The following RYR1 variants were observed in gnomAD, a reference collection of about 807,000 sequenced individuals.
RYR1 encodes the protein central core disease of muscle.
A neutral mutation model predicts 583.5 loss-of-function variants in RYR1; 342 were observed. That is an observed-to-expected ratio of 0.59 (90% CI 0.54 to 0.64). The LOEUF is 0.64. Ranked by LOEUF, RYR1 falls within the 30% of genes least tolerant of loss-of-function variation. RYR1 has a pLI of 0.00. For synonymous variants in RYR1, 2,791 were observed against 2,822.5 expected (o/e 0.99, Z 0.35); for missense variants, 6,032 against 6,917.2 (o/e 0.87, Z 4.54).
intron 84 of RYR1, among the ~76,000 whole-genome samples, chr19:38,541,222 A>G (rs147179222): frequency 1.3e-4 from 20 of 152,340 alleles, no homozygotes; most frequent in African/African-American, 3.8e-4. Context: ...GGGGTTTTTA[A>G]AAGCCTCCTA....
At chr19:38,502,768 CAGGGGCAG>C (rs1970213873) in intron 48 of RYR1, 41 bp downstream of exon 48, 1 of 605,374 alleles carries the variant, frequency 1.7e-6, no homozygotes, top group Admixed American at 3.1e-5. Flanking sequence ...GGGGCAGGGG[CAGGGGCAG>C]GGGCAGGGGC....
intron 97 of RYR1, 140 bp from the exon 98 acceptor site, chr19:38,577,778 A>G: frequency 1.8e-6 from 2 of 1,089,334 alleles, no homozygotes; most frequent in Non-Finnish European, 1.3e-6. Context: ...CCTGGGTGAC[A>G]GAGGGAGACT....
At chr19:38,519,080 C>G (rs1281666497) in intron 66 of RYR1, 134 bp from the exon 67 acceptor site, 1 of 1,447,504 alleles carries the variant, frequency 6.9e-7, no homozygotes, top group Admixed American at 1.7e-5. Context: ...GGACTATATC[C>G]AAGGTTAGGG....
At chr19:38,505,517 T>C in intron 53 of RYR1, 119 bp downstream of exon 53, 1 of 817,010 alleles carries the variant, frequency 1.2e-6, no homozygotes, top group Non-Finnish European at 2.1e-6. Context: ...GGGTTAGGTC[T>C]CCCCATTCAT....
intron 101 of RYR1, among the ~76,000 whole-genome samples, chr19:38,583,337 G>T (rs1409925089): frequency 6.6e-6 from 1 of 151,306 alleles, no homozygotes; most frequent in Non-Finnish European, 1.5e-5. Flanking sequence ...AAATTAGCTG[G>T]GTGGGGTGAC....
chr19:38,567,634 ATC>A, intron 92 of RYR1, 137 bp from the exon 93 acceptor site: 1 of 1,212,026 alleles, frequency 8.3e-7, no homozygotes, highest in Non-Finnish European at 1.2e-6. Context: ...AGTCCTGATT[ATC>A]TCATCATCCC....
At chr19:38,437,032 G>A (rs543632460) in intron 1 of RYR1, among the ~76,000 whole-genome samples, 6 of 151,680 alleles carry the variant, frequency 4.0e-5, no homozygotes, top group South Asian at 2.1e-4. Flanking sequence ...AGAACCCTCC[G>A]CTTCCTTCAT....
rs115158114 is a variant in RYR1 at position 38,490,837 on chromosome 19, A to G, written c.6127+105A>G. 76 of 757,984 alleles carry G rather than the reference A, an allele frequency of 1.0e-4. No individual in the cohort carries two copies. In the African/African-American group the frequency reaches 1.1e-3, roughly 11 times the overall value. 47.0% of individuals were successfully genotyped at this position (757,984 alleles called of 1,614,324 possible). On this transcript the variant is annotated intron_variant, in intron 37 of 105. Transcript: ENST00000359596. ...GACAACCCTCTACAGTATCGGTGCT[A>G]TGTAACTATTGGTTGAATGAATGAA... is the stretch of plus-strand genomic sequence containing the variant.
intron 13 of RYR1, among the ~76,000 whole-genome samples, chr19:38,454,543 CTG>C (rs1402094968): frequency 6.6e-6 from 1 of 152,094 alleles, no homozygotes; most frequent in Non-Finnish European, 1.5e-5. Context: ...TATTAAATAA[CTG>C]TCTTTAAACA....
chr19:38,489,381 AAAG>A lies in RYR1; in HGVS notation c.5759_5761del (p.Glu1920del). 2.5e-6 allele frequency: 4 copies of A among 1,613,904 alleles called. No homozygotes were observed. The highest frequency in any genetic ancestry group is 2.5e-6 in the Non-Finnish European group (3 of 1,179,926). On this transcript the variant is annotated inframe_deletion, in exon 35 of 106. Transcript: ENST00000359596. The stretch of plus-strand genomic sequence containing the variant: ...GGAAGAGGAGGCAGCAGAAGGGGAG[AAAG>A]AAGAAGGCTTGGAGGAAGGGCTGCT...
chr19:38,565,433 C>T lies in RYR1; in HGVS notation c.13099C>T (p.Leu4367=). The T allele has an allele frequency of 6.7e-7, 1 of 1,491,724 alleles. No individual in the cohort carries two copies. Among genetic ancestry groups the T allele is most frequent in the Non-Finnish European group, 8.9e-7 (1 of 1,127,980 alleles). The allele number at this position is 1,491,724 out of a possible 1,614,324, so 92.4% of individuals were successfully genotyped here. Residue 4367 remains leucine, a synonymous_variant, in exon 91 of 106, where the codon CTG becomes TTG. Transcript: ENST00000359596. This position sits in a 1 kb window ranked among gnomAD's most constrained non-coding sequence, Gnocchi z 4.7. ...CTGGGGCTCGCTGTTCGGCGGCGGCCTGGTGGAGGGCGCCAAGAAGGTGAC... is the reference window on the plus strand; with the variant it reads ...CTGGGGCTCGCTGTTCGGCGGCGGCTTGGTGGAGGGCGCCAAGAAGGTGAC... ...LLWGSLFGGG[L]VEGAKKVTVT...
In RYR1 at chr19:38,502,958, G is replaced by T. The variant is rs1245356413; in HGVS notation, c.7914G>T (p.Lys2638Asn). 2 of 1,609,784 alleles carry T rather than the reference G, an allele frequency of 1.2e-6. No homozygotes were observed. Among genetic ancestry groups the T allele is most frequent in the Admixed American group, 1.7e-5 (1 of 60,016 alleles). Residue 2638 changes from lysine to asparagine, a missense_variant, in exon 49 of 106, where the codon AAG becomes AAT. Lys to Asn is a moderately conservative substitution (Grantham distance 94). Around this residue, in one of 11 missense-constraint regions of RYR1, gnomAD observed 250 missense variants for 162.3 expected, o/e 1.54. Coordinates refer to ENST00000359596, the MANE Select transcript of RYR1 (RefSeq NM_000540.3). ...TGCCCATCCTCAACGAGTTCGCCAAGATGCCACTCAAGGTGAGGGCAAGCG... is the reference window on the plus strand; with the variant it reads ...TGCCCATCCTCAACGAGTTCGCCAATATGCCACTCAAGGTGAGGGCAAGCG... ...FDVPILNEFAKMPLKLLTNHY... is the reference protein window; with the variant it reads ...FDVPILNEFANMPLKLLTNHY...
chr19:38,452,367 G>T (rs1203541424), intron 12 of RYR1, among the ~76,000 whole-genome samples: 1 of 152,104 alleles, frequency 6.6e-6, no homozygotes, highest in South Asian at 2.1e-4. Flanking sequence ...CTTGAGCCGA[G>T]GGGGCAGAGG....
At chr19:38,509,660 T>C (rs1225115688) in intron 58 of RYR1, among the ~76,000 whole-genome samples, 2 of 152,020 alleles carry the variant, frequency 1.3e-5, no homozygotes, top group Non-Finnish European at 2.9e-5. Flanking sequence ...GGTTTCACCA[T>C]GTTGGCCAGG....
chr19:38,554,812 A>G (rs1972812801), intron 89 of RYR1, among the ~76,000 whole-genome samples: 1 of 152,096 alleles, frequency 6.6e-6, no homozygotes, highest in Non-Finnish European at 1.5e-5. Context: ...CCTGGTCAGT[A>G]AACAGTCTTG....
intron 58 of RYR1, 98 bp from the exon 59 acceptor site, chr19:38,510,400 C>T: frequency 3.4e-6 from 4 of 1,171,828 alleles, no homozygotes; most frequent in South Asian, 2.5e-5. Flanking sequence ...CTTTATCCCC[C>T]ATCATTTCCC....
intron 49 of RYR1, 114 bp downstream of exon 49, chr19:38,503,084 C>A (rs1177653768): frequency 9.4e-6 from 9 of 957,202 alleles, no homozygotes; most frequent in Non-Finnish European, 1.5e-5. Context: ...TAAACCTGCA[C>A]TAGTTAGGGC....
rs375145089 is a variant in RYR1, at chr19:38,478,629, G to A, written c.4620+29G>A. 4 of 1,604,120 alleles carry A rather than the reference G, an allele frequency of 2.5e-6. No individual in the cohort carries two copies. The African/African-American group carries it at 5.3e-5, about 21-fold the overall frequency. ...AGTCCAGGCCACAGCAATTTAGCGA[G>A]AGCATCATGTCCCAGCATCCCAGGA... On this transcript the variant is annotated intron_variant, in intron 31 of 105. Transcript: ENST00000359596.
Position 38,504,791 on chromosome 19 carries a change from G to C in RYR1, c.8111G>C (p.Cys2704Ser). 1 of 1,614,134 alleles carries C rather than the reference G, an allele frequency of 6.2e-7. No homozygotes were observed. Among genetic ancestry groups the C allele is most frequent in the Non-Finnish European group, 8.5e-7 (1 of 1,180,020 alleles). ...TACCGCATGGCCATGCCTTGTCTGTGCGCCATTGCCGGGGCTCTGCCCCCC... is the reference window on the plus strand; with the variant it reads ...TACCGCATGGCCATGCCTTGTCTGTCCGCCATTGCCGGGGCTCTGCCCCCC... Reference protein sequence around the residue: ...ELYRMAMPCLCAIAGALPPDY... With the variant: ...ELYRMAMPCLSAIAGALPPDY... Residue 2704 changes from cysteine to serine, a missense_variant, in exon 51 of 106, where the codon TGC becomes TCC. Coordinates refer to ENST00000359596, the MANE Select transcript of RYR1 (RefSeq NM_000540.3).
Sources: allele counts gnomAD v4.1 joint callset (sites outside exome capture counted in the v4.1 genomes callset), GRCh38; gene constraint gnomAD v4.1.1; regional missense constraint gnomAD v4.1.1; non-coding constraint Gnocchi (gnomAD v3.1); transcripts MANE v1.5; gene names NCBI Gene and HGNC (gene_info 2026-07-23, HGNC 2026-07-21).